Variants in LINS1 observed in about 807,000 individuals in gnomAD.
The protein encoded by LINS1 is lines homolog 1, also known as protein Lines homolog 1.
In LINS1, 27 loss-of-function variants were observed where a neutral mutation model predicts 41.6. The observed-to-expected ratio is 0.65, with a 90% CI of 0.48 to 0.89. The LOEUF (loss-of-function observed/expected upper bound fraction) is 0.89, where lower values mean the gene tolerates loss of function less well. LINS1 is among the 40% of genes least tolerant of loss of function. The pLI is 0.00. For missense variants in LINS1, 955 were observed against 884.1 expected (o/e 1.08, Z -1.02); for synonymous variants, 336 against 312.9 (o/e 1.07, Z -0.78).
chr15:100,586,237 G>GC (rs2038796058), intron 1 of LINS1: 1 of 152,206 alleles, frequency 6.6e-6, no homozygotes, highest in South Asian at 2.1e-4. Context: ...TGACCTGGAA[G>GC]CCCCCTCCCA....
In LINS1 at chr15:100,572,223, T is replaced by C. The variant is rs897001867; in HGVS notation, c.1223-158A>G. 1.9e-5 allele frequency: 28 copies of C among 1,465,300 alleles called. No individual in the cohort carries two copies. In the African/African-American group the frequency reaches 3.7e-4, roughly 19 times the overall value. 90.8% of individuals were successfully genotyped at this position (1,465,300 alleles called of 1,614,324 possible). Reference sequence around the variant, plus strand: ...GGAATCAGTTAGGAAGCATCTTTATTTGGCAAATGAGGACACTGAGGCTCA... The same window carrying C: ...GGAATCAGTTAGGAAGCATCTTTATCTGGCAAATGAGGACACTGAGGCTCA... On this transcript the variant is annotated intron_variant, in intron 5 of 6. Coordinates refer to ENST00000314742, the MANE Select transcript of LINS1 (RefSeq NM_001040616.3).
At chr15:100,587,182 A>AAAAAAAAAAAAAAAAAAAAAAAAAAAG (rs1555434011) in intron 1 of LINS1, among the ~76,000 whole-genome samples, 1 of 124,376 alleles carries the variant, frequency 8.0e-6, no homozygotes, top group Non-Finnish European at 1.7e-5. Flanking sequence ...AAAAAAAAAA[A>AAAAAAAAAAAAAAAAAAAAAAAAAAAG]CATTAGCAGT....
At chr15:100,583,051 C>A (rs981113244) in intron 1 of LINS1, among the ~76,000 whole-genome samples, 1 of 151,996 alleles carries the variant, frequency 6.6e-6, no homozygotes, top group Non-Finnish European at 1.5e-5. Flanking sequence ...CCAGCCTAGT[C>A]TTGGTCTTAC....
At chr15:100,572,908 A>C in intron 5 of LINS1, 2 of 688,600 alleles carry the variant, frequency 2.9e-6, no homozygotes, top group Non-Finnish European at 3.6e-6. Context: ...ATGAAGGATT[A>C]ATACAAATGG....
At chr15:100,596,813 G>A (rs2039266603) in intron 1 of LINS1, 1 of 152,226 alleles carries the variant, frequency 6.6e-6, no homozygotes, top group South Asian at 2.1e-4. Flanking sequence ...TTAAATCCAA[G>A]ATGGCCAAAA....
At position 100,567,725 on chromosome 15, in the gene LINS1, C is replaced by T. The variant is rs1194063138; in HGVS notation, c.*1513G>A. ...ATTCTTTGACGTGCTTTTTCAATTACGGTAGAAACTGCCTTAACGCATAGC... is the reference window on the plus strand; with the variant it reads ...ATTCTTTGACGTGCTTTTTCAATTATGGTAGAAACTGCCTTAACGCATAGC... On this transcript the variant is annotated 3_prime_UTR_variant, in exon 7 of 7. Transcript: ENST00000314742. 5.3e-5 allele frequency: 8 copies of T among 152,152 alleles called. No homozygotes were observed. The highest frequency in any genetic ancestry group is 1.9e-4 in the East Asian group (1 of 5,194). 9.4% of individuals were successfully genotyped at this position (152,152 alleles called of 1,614,324 possible). A position where few individuals can be genotyped will look rare whatever the true frequency, so the allele number is the denominator to read the frequency against.
chr15:100,580,424 T>C lies in LINS1; in HGVS notation c.399+20A>G, dbSNP rs2038467797. The C allele has an allele frequency of 1.9e-6, 3 of 1,611,548 alleles. No individual in the cohort carries two copies. Among genetic ancestry groups the C allele is most frequent in the South Asian group, 1.1e-5 (1 of 91,038 alleles). On this transcript the variant is annotated intron_variant, in intron 2 of 6. Transcript: ENST00000314742. Reference sequence around the variant, plus strand: ...AAATTATTTTAAATATCTACATCTTTAGAAAAACAAATGGCTTACTAATTT... The same window carrying C: ...AAATTATTTTAAATATCTACATCTTCAGAAAAACAAATGGCTTACTAATTT...
At chr15:100,582,026 G>A (rs181824667) in intron 1 of LINS1, among the ~76,000 whole-genome samples, 89 of 152,356 alleles carry the variant, frequency 5.8e-4, no homozygotes, top group Admixed American at 3.5e-3. Flanking sequence ...GCCCTGACCC[G>A]TTTATAGACA....
chr15:100,579,139 C>G lies in LINS1; in HGVS notation c.489+1124G>C, dbSNP rs186409329. 7.3e-5 allele frequency among the ~76,000 whole-genome samples: 11 copies of G among 151,618 alleles called. No individual in the cohort carries two copies. In the East Asian group the frequency reaches 2.1e-3, roughly 29 times the overall value. ...TGTATACATATGTAACAAACCTGCA[C>G]GTTGTGCACATGTACCCTAGAACTT... On this transcript the variant is annotated intron_variant, in intron 3 of 6. Coordinates refer to ENST00000314742, the MANE Select transcript of LINS1 (RefSeq NM_001040616.3).
At chr15:100,594,336 G>T (rs982605373) in intron 1 of LINS1, among the ~76,000 whole-genome samples, 3 of 152,174 alleles carry the variant, frequency 2.0e-5, no homozygotes, top group Non-Finnish European at 2.9e-5. Flanking sequence ...GAATCAACAG[G>T]CCAGCATGGT....
chr15:100,576,318 C>T (rs138548861), intron 3 of LINS1, among the ~76,000 whole-genome samples: 181 of 152,096 alleles, frequency 1.2e-3, no homozygotes, highest in African/African-American at 3.9e-3. Flanking sequence ...ATCAAATAGA[C>T]GCAATAAAAA....
Position 100,570,081 on chromosome 15 carries a change from T to C in LINS1, c.1431A>G (p.Lys477=). The C allele has an allele frequency of 6.3e-7, 1 of 1,583,590 alleles. No individual in the cohort carries two copies. The highest frequency in any genetic ancestry group is 8.5e-7 in the Non-Finnish European group (1 of 1,173,230). ...CEATESLTQG[K]EMWDHHTHEN... ...CATGTGTGTGATGGTCCCACATTTC[T>C]TTTCCCTGAGTCAAGCTTTCAGTGG... Residue 477 remains lysine (K), a synonymous_variant, in exon 7 of 7, where the codon AAA becomes AAG. Transcript: ENST00000314742.
At chr15:100,579,734 T>C (rs1288491804) in intron 3 of LINS1, among the ~76,000 whole-genome samples, 1 of 152,224 alleles carries the variant, frequency 6.6e-6, no homozygotes, top group Non-Finnish European at 1.5e-5. Context: ...TTTTATATTA[T>C]GCTGAGGACT....
At chr15:100,593,116 C>A (rs2039107229) in intron 1 of LINS1, among the ~76,000 whole-genome samples, 1 of 152,180 alleles carries the variant, frequency 6.6e-6, no homozygotes, top group African/African-American at 2.4e-5. Flanking sequence ...AGACAACAAG[C>A]TTTTAAGAGA....
intron 5 of LINS1, chr15:100,572,966 G>A (rs1187033912): frequency 2.9e-6 from 1 of 348,070 alleles, no homozygotes; most frequent in East Asian, 1.4e-4. Flanking sequence ...AAACGTTGAG[G>A]CTGCAGTGAG....
intron 3 of LINS1, among the ~76,000 whole-genome samples, chr15:100,577,645 G>A (rs988501786): frequency 6.6e-6 from 1 of 152,060 alleles, no homozygotes; most frequent in East Asian, 1.9e-4. Flanking sequence ...GCTACCAATG[G>A]CTTTCTTCAC....
intron 1 of LINS1, among the ~76,000 whole-genome samples, chr15:100,584,938 A>C (rs557872225): frequency 6.6e-6 from 1 of 152,300 alleles, no homozygotes; most frequent in South Asian, 2.1e-4. Flanking sequence ...CATAAGCATA[A>C]ATTCTTCCTT....
intron 1 of LINS1, among the ~76,000 whole-genome samples, chr15:100,585,528 G>C (rs979814721): frequency 2.0e-5 from 3 of 152,190 alleles, no homozygotes; most frequent in African/African-American, 7.2e-5. Context: ...AAATCAAACT[G>C]CCGTGGAAAA....
intron 1 of LINS1, among the ~76,000 whole-genome samples, chr15:100,601,493 C>T (rs1321804713): frequency 6.6e-6 from 1 of 152,154 alleles, no homozygotes; most frequent in Non-Finnish European, 1.5e-5. Context: ...TCAGTACTGC[C>T]ACATTGGGGA....
Sources: allele counts gnomAD v4.1 joint callset (sites outside exome capture counted in the v4.1 genomes callset), GRCh38; gene constraint gnomAD v4.1.1; transcripts MANE v1.5; gene names NCBI Gene and HGNC (gene_info 2026-07-23, HGNC 2026-07-21).